NYAP2: variants seen among roughly 807,000 people sequenced by gnomAD.
The protein encoded by NYAP2 is neuronal tyrosine-phosphorylated phosphoinositide-3-kinase adaptor 2.
NYAP2 carries 23 observed loss-of-function variants against 50.4 expected under a neutral mutation model. The observed-to-expected ratio is 0.46, with a 90% CI of 0.33 to 0.65. NYAP2 has a LOEUF of 0.65. Ranked by LOEUF, NYAP2 falls within the 30% of genes least tolerant of loss-of-function variation. The pLI is 0.02. For synonymous variants in NYAP2, 394 were observed against 365.2 expected (o/e 1.08, Z -0.90); for missense variants, 885 against 861.0 (o/e 1.03, Z -0.35).
At chr2:225,451,180 T>A (rs1338880570) in intron 3 of NYAP2, among the ~76,000 whole-genome samples, 1 of 151,986 alleles carries the variant, frequency 6.6e-6, no homozygotes, top group African/African-American at 2.4e-5. Flanking sequence ...GTGAACAAAA[T>A]GAGGAAAACT....
At chr2:225,676,314 A>G in the NYAP2 span, among the ~76,000 whole-genome samples, 1 of 152,104 alleles carries the variant, frequency 6.6e-6, no homozygotes, top group Non-Finnish European at 1.5e-5. Flanking sequence ...TTCATCTTTA[A>G]TTAATTTTCA....
intron 4 of NYAP2, among the ~76,000 whole-genome samples, chr2:225,524,847 G>A (rs1691125063): frequency 6.6e-6 from 1 of 152,078 alleles, no homozygotes; most frequent in Admixed American, 6.6e-5. Flanking sequence ...ATCTGAAAAA[G>A]GCTTAATATC....
chr2:225,482,440 C>G (rs565958195), intron 3 of NYAP2, among the ~76,000 whole-genome samples: 2 of 152,138 alleles, frequency 1.3e-5, no homozygotes, highest in East Asian at 3.9e-4. Flanking sequence ...ACTGTTTCAT[C>G]AAAAATAATA....
At chr2:225,684,171 C>T in the NYAP2 span, among the ~76,000 whole-genome samples, 4 of 151,938 alleles carry the variant, frequency 2.6e-5, no homozygotes, top group Non-Finnish European at 5.9e-5. Flanking sequence ...TGGCTGCTGC[C>T]GAGGAGAGAA....
intron 4 of NYAP2, among the ~76,000 whole-genome samples, chr2:225,571,330 G>T (rs1274408523): frequency 3.9e-5 from 6 of 152,214 alleles, no homozygotes; most frequent in Non-Finnish European, 8.8e-5. Flanking sequence ...CTGTATGGGG[G>T]CTCCCACCCC....
the NYAP2 span, among the ~76,000 whole-genome samples, chr2:225,660,012 A>G: frequency 6.6e-6 from 1 of 152,076 alleles, no homozygotes; most frequent in African/African-American, 2.4e-5. Flanking sequence ...TGATAAGAAA[A>G]AGCAGACAGA....
At chr2:225,541,867 A>G (rs992298554) in intron 4 of NYAP2, among the ~76,000 whole-genome samples, 17 of 152,122 alleles carry the variant, frequency 1.1e-4, no homozygotes, top group Non-Finnish European at 2.9e-5. Context: ...GAATCTGGAT[A>G]TTGCTTTGGG....
At position 225,550,257 on chromosome 2, in the gene NYAP2, C is replaced by G. The variant is rs76209463; in HGVS notation, c.524-31684C>G. On this transcript the variant is annotated intron_variant, in intron 4 of 6. Coordinates refer to ENST00000636099, the Ensembl canonical transcript of NYAP2. ...CCCCTTAGGATGTGCAAAAGCAATA[C>G]TCATTCAGTAGAAACTACACTTCTT... Among the ~76,000 whole-genome samples, 917 of 152,152 alleles carry G rather than the reference C, an allele frequency of 6.0e-3. 6 individuals carry two copies. Among genetic ancestry groups the G allele is most frequent in the African/African-American group, 0.021 (884 of 41,512 alleles).
At chr2:225,638,156 T>TGTGTGTGTG (rs1693456201) in intron 6 of NYAP2, among the ~76,000 whole-genome samples, 1 of 135,222 alleles carries the variant, frequency 7.4e-6, no homozygotes, top group Non-Finnish European at 1.6e-5. Context: ...ACTCGTGTGT[T>TGTGTGTGTG]TGTGTGTGTG....
At chr2:225,655,885 TACACACACACACACACAC>T (rs372646871), downstream of NYAP2, among the ~76,000 whole-genome samples, 3 of 121,146 alleles carry the variant, frequency 2.5e-5, no homozygotes, top group Admixed American at 1.8e-4. Flanking sequence ...CAACCTCCAC[TACACACACACACACACAC>T]ACACACACAC....
chr2:225,507,417 A>G (rs1690726482), intron 3 of NYAP2, among the ~76,000 whole-genome samples: 1 of 152,204 alleles, frequency 6.6e-6, no homozygotes, highest in African/African-American at 2.4e-5. Context: ...TCAAGCAGAC[A>G]GCAAGACAAG....
chr2:225,556,015 A>T (rs1691770846), intron 4 of NYAP2, among the ~76,000 whole-genome samples: 1 of 152,142 alleles, frequency 6.6e-6, no homozygotes, highest in Non-Finnish European at 1.5e-5. Context: ...TAATTGACTT[A>T]TGTATTATGG....
chr2:225,690,142 C>A, the NYAP2 span, among the ~76,000 whole-genome samples: 26 of 152,088 alleles, frequency 1.7e-4, no homozygotes, highest in Non-Finnish European at 7.4e-5. Context: ...TGTAAACCCA[C>A]ATGAATTATC....
chr2:225,695,388 TAAA>T, the NYAP2 span, among the ~76,000 whole-genome samples: 3 of 151,916 alleles, frequency 2.0e-5, no homozygotes, highest in Non-Finnish European at 4.4e-5. Flanking sequence ...TATTGGGACT[TAAA>T]GAAGTTTGGA....
intron 4 of NYAP2, among the ~76,000 whole-genome samples, chr2:225,552,938 G>A (rs1377866089): frequency 4.6e-5 from 7 of 152,090 alleles, no homozygotes; most frequent in African/African-American, 7.2e-5. Context: ...CACCTGCCTC[G>A]GCCTCCCAAA....
At chr2:225,567,393 T>A (rs1302715517) in intron 4 of NYAP2, among the ~76,000 whole-genome samples, 1 of 152,148 alleles carries the variant, frequency 6.6e-6, no homozygotes, top group African/African-American at 2.4e-5. Flanking sequence ...CATTATACAC[T>A]TATAGTTTAT....
chr2:225,460,115 C>T lies in NYAP2; in HGVS notation c.221+51014C>T, dbSNP rs909376921. Among the ~76,000 whole-genome samples the T allele has an allele frequency of 6.6e-5, 10 of 152,142 alleles. No individual in the cohort carries two copies. In the East Asian group the frequency reaches 1.9e-3, roughly 29 times the overall value. ...CTTTAGGTGTGGAATGGATTCTAATCAATCAATTAGTTAACCAATCAAATG... is the reference window on the plus strand; with the variant it reads ...CTTTAGGTGTGGAATGGATTCTAATTAATCAATTAGTTAACCAATCAAATG... On this transcript the variant is annotated intron_variant, in intron 3 of 6. Coordinates refer to ENST00000636099, the Ensembl canonical transcript of NYAP2.
chr2:225,488,781 C>T (rs1045134991), intron 3 of NYAP2, among the ~76,000 whole-genome samples: 1 of 152,198 alleles, frequency 6.6e-6, no homozygotes, highest in Admixed American at 6.5e-5. Context: ...CTAAGAGACA[C>T]TCTTTTGGGA....
intron 4 of NYAP2, among the ~76,000 whole-genome samples, chr2:225,566,000 C>T (rs1691954003): frequency 6.6e-6 from 1 of 152,104 alleles, no homozygotes; most frequent in Non-Finnish European, 1.5e-5. Context: ...AGAGCCAGCT[C>T]ACCCATGTTC....
Sources: allele counts gnomAD v4.1 joint callset (sites outside exome capture counted in the v4.1 genomes callset), GRCh38; gene constraint gnomAD v4.1.1; transcripts MANE v1.5; gene names NCBI Gene and HGNC (gene_info 2026-07-23, HGNC 2026-07-21).